FUT9: variants seen among roughly 807,000 people sequenced by gnomAD.
FUT9 encodes the protein fucosyltransferase 9.
A neutral mutation model predicts 29.7 loss-of-function variants in FUT9; 15 were observed. The observed-to-expected ratio is 0.51, with a 90% confidence interval of 0.34 to 0.78. The LOEUF (loss-of-function observed/expected upper bound fraction) is 0.78. FUT9 is among the 30% of genes least tolerant of loss of function. The pLI is 0.01. For missense variants in FUT9, 319 were observed against 425.4 expected (o/e 0.75, Z 2.20); for synonymous variants, 169 against 153.7 (o/e 1.10, Z -0.74).
intron 1 of FUT9, among the ~76,000 whole-genome samples, chr6:96,084,334 T>C (rs1220118918): frequency 6.6e-6 from 1 of 152,110 alleles, no homozygotes; most frequent in South Asian, 2.1e-4. Flanking sequence ...GTTATGTTGT[T>C]TTTTAAGCTA....
chr6:96,177,859 T>C (rs1470132076), intron 2 of FUT9, among the ~76,000 whole-genome samples: 3 of 152,164 alleles, frequency 2.0e-5, no homozygotes, highest in African/African-American at 7.2e-5. Context: ...AGTAAATGCT[T>C]AGTAAGAACT....
intron 2 of FUT9, among the ~76,000 whole-genome samples, chr6:96,175,570 A>G (rs1235220631): frequency 6.6e-6 from 1 of 152,212 alleles, no homozygotes; most frequent in Non-Finnish European, 1.5e-5. Context: ...AGTTTAATGT[A>G]GATTTAATAG....
At chr6:96,180,806 G>A (rs916663516) in intron 2 of FUT9, among the ~76,000 whole-genome samples, 1 of 151,812 alleles carries the variant, frequency 6.6e-6, no homozygotes, top group Non-Finnish European at 1.5e-5. Context: ...ATTCTATTGT[G>A]TATATTTTCT....
intron 2 of FUT9, among the ~76,000 whole-genome samples, chr6:96,145,819 G>A (rs6900374): frequency 0.55 from 83,581 of 151,976 alleles, 23,809 homozygotes; most frequent in East Asian, 0.68. Context: ...TGTAGGTCAC[G>A]AGGTCTCAGT....
intron 1 of FUT9, among the ~76,000 whole-genome samples, chr6:96,081,225 C>T (rs1771232155): frequency 6.6e-6 from 1 of 151,854 alleles, no homozygotes; most frequent in South Asian, 2.1e-4. Flanking sequence ...TTTTGAGGCT[C>T]CTTAAATGCT....
intron 2 of FUT9, among the ~76,000 whole-genome samples, chr6:96,150,750 C>T (rs1772661025): frequency 6.6e-6 from 1 of 152,138 alleles, no homozygotes; most frequent in African/African-American, 2.4e-5. Flanking sequence ...CACCTCTTTC[C>T]AGAATACCGT....
Position 96,213,630 on chromosome 6 carries a change from T to C in FUT9, c.*9395T>C, listed in dbSNP as rs1773980974. 1 of 166,898 alleles carries C rather than the reference T, an allele frequency of 6.0e-6. No individual in the cohort carries two copies. The highest frequency in any genetic ancestry group is 2.4e-5 in the African/African-American group (1 of 41,450). The allele number at this position is 166,898 out of a possible 1,614,324, so 10.3% of individuals were successfully genotyped here. On this transcript the variant is annotated 3_prime_UTR_variant, in exon 3 of 3. Transcript: ENST00000302103. Reference sequence around the variant, plus strand: ...TGTTTATTGCTATTAACTTTCTGTGTATGTATTATTGCGATGCAGACCCAA... The same window carrying C: ...TGTTTATTGCTATTAACTTTCTGTGCATGTATTATTGCGATGCAGACCCAA...
intron 2 of FUT9, among the ~76,000 whole-genome samples, chr6:96,137,437 C>T (rs1174105942): frequency 6.6e-6 from 1 of 151,930 alleles, no homozygotes; most frequent in East Asian, 1.9e-4. Context: ...GATACTTCAC[C>T]CTCAAGTAGA....
chr6:96,045,045 A>G (rs1770538976), intron 1 of FUT9, among the ~76,000 whole-genome samples: 1 of 152,184 alleles, frequency 6.6e-6, no homozygotes, highest in Non-Finnish European at 1.5e-5. Flanking sequence ...AAAGGGGTGG[A>G]GATTGACCAG....
chr6:96,094,117 C>T lies in FUT9; in HGVS notation c.-97-19922C>T, dbSNP rs182575140. On this transcript the variant is annotated intron_variant, in intron 1 of 2. Transcript: ENST00000302103. ...TGCATGTCATATTCAATAGTCCTCC[C>T]TTATTTGTGGTTTCAGTTACCTGTG... 3.3e-4 allele frequency among the ~76,000 whole-genome samples: 50 copies of T among 152,248 alleles called. 1 individual carries two copies. In the East Asian group the frequency reaches 4.4e-3, roughly 14 times the overall value.
At chr6:96,150,659 G>A (rs1331024709) in intron 2 of FUT9, among the ~76,000 whole-genome samples, 3 of 152,164 alleles carry the variant, frequency 2.0e-5, no homozygotes, top group African/African-American at 4.8e-5. Flanking sequence ...TGGAGAAAAG[G>A]CACAGTTGCA....
intron 1 of FUT9, among the ~76,000 whole-genome samples, chr6:96,052,907 A>G (rs777221926): frequency 6.6e-6 from 1 of 152,132 alleles, no homozygotes; most frequent in Non-Finnish European, 1.5e-5. Context: ...TAAGGTCAAA[A>G]CATTTAAAAT....
chr6:96,034,576 A>G (rs921504759), intron 1 of FUT9, among the ~76,000 whole-genome samples: 1 of 151,756 alleles, frequency 6.6e-6, no homozygotes, highest in Admixed American at 6.6e-5. Flanking sequence ...GTGCAAGATA[A>G]ATGCCCTAGA....
intron 1 of FUT9, among the ~76,000 whole-genome samples, chr6:96,081,167 A>C (rs1008992830): frequency 2.0e-5 from 3 of 151,898 alleles, no homozygotes; most frequent in African/African-American, 7.2e-5. Flanking sequence ...AGTTTAAGGA[A>C]TATTTTTCAA....
chr6:96,034,794 C>T lies in FUT9; in HGVS notation c.-98+18582C>T, dbSNP rs1770322952. Among the ~76,000 whole-genome samples, 3 of 151,702 alleles carry T rather than the reference C, an allele frequency of 2.0e-5. No homozygotes were observed. The South Asian group carries it at 6.2e-4, about 31-fold the overall frequency. ...GCTTGTTTAACAGGTGCAAAGAATG[C>T]TACCAAAGTTCTTAACTGGAGGTGA... On this transcript the variant is annotated intron_variant, in intron 1 of 2. Coordinates refer to ENST00000302103, the MANE Select transcript of FUT9 (RefSeq NM_006581.4).
intron 2 of FUT9, among the ~76,000 whole-genome samples, chr6:96,167,670 A>T (rs1773038557): frequency 6.6e-6 from 1 of 152,206 alleles, no homozygotes; most frequent in South Asian, 2.1e-4. Context: ...AGTACTAAGG[A>T]TAATAAAAAG....
In FUT9 at chr6:96,209,476, A is replaced by C. The variant is rs563229015; in HGVS notation, c.*5241A>C. 1 of 166,988 alleles carries C rather than the reference A, an allele frequency of 6.0e-6. No individual in the cohort carries two copies. Among genetic ancestry groups the C allele is most frequent in the African/African-American group, 2.4e-5 (1 of 41,532 alleles). The allele number at this position is 166,988 out of a possible 1,614,324, so 10.3% of individuals were successfully genotyped here. On this transcript the variant is annotated 3_prime_UTR_variant, in exon 3 of 3. Transcript: ENST00000302103. ...ATCTTAATTGCCTGCAGAAAAATCA[A>C]TCATATTTTAGGCATTATTTTGAAA...
chr6:96,163,875 A>T (rs1013298867), intron 2 of FUT9, among the ~76,000 whole-genome samples: 1 of 152,204 alleles, frequency 6.6e-6, no homozygotes, highest in Non-Finnish European at 1.5e-5. Context: ...GTGGCTATTT[A>T]AATTTAAATT....
chr6:96,181,019 C>T (rs548258658), intron 2 of FUT9, among the ~76,000 whole-genome samples: 36 of 151,498 alleles, frequency 2.4e-4, no homozygotes, highest in African/African-American at 8.2e-4. Flanking sequence ...CATAGTTAGT[C>T]ATTGAAAGTA....
Sources: allele counts gnomAD v4.1 joint callset (sites outside exome capture counted in the v4.1 genomes callset), GRCh38; gene constraint gnomAD v4.1.1; transcripts MANE v1.5; gene names NCBI Gene and HGNC (gene_info 2026-07-23, HGNC 2026-07-21).